Variants in TRAPPC2B observed in about 807,000 individuals in gnomAD.
TRAPPC2B encodes trafficking protein particle complex subunit 2B.
Under a neutral mutation model 8.4 loss-of-function variants are expected in TRAPPC2B, and 5 were observed. The observed-to-expected ratio is 0.59, with a 90% CI of 0.31 to 1.25. The LOEUF is 1.25. Ranked by LOEUF, TRAPPC2B falls within the 50% of genes most tolerant of loss-of-function variation. The pLI is 0.06. For missense variants in TRAPPC2B, 161 were observed against 173.2 expected, an observed-to-expected ratio of 0.93 and a Z score of 0.40; for synonymous variants, 46 against 58.1, an observed-to-expected ratio of 0.79 and a Z score of 0.95.
In TRAPPC2B at chr19:57,365,381, A is replaced by T. The variant is rs1035810959; in HGVS notation, c.*125A>T. ...TGTATTCTCAGCTTATCTAAACTTA[A>T]TGAAATTTCTTTTATATTTAAAAAT... On this transcript the variant is annotated 3_prime_UTR_variant, in exon 2 of 2. Coordinates refer to ENST00000543226, the MANE Select transcript of TRAPPC2B (RefSeq NM_001355204.2). The T allele has an allele frequency of 1.0e-5, 7 of 696,866 alleles. No individual in the cohort carries two copies. The highest frequency in any genetic ancestry group is 1.7e-5 in the Non-Finnish European group (7 of 412,458). 43.2% of individuals were successfully genotyped at this position (696,866 alleles called of 1,614,324 possible).
In TRAPPC2B at chr19:57,365,374, AAACTT is replaced by A. The variant is rs1204150362; in HGVS notation, c.*121_*125del. ...TCTTTTGTGTATTCTCAGCTTATCTAAACTTAATGAAATTTCTTTTATATTTAAAA... is the reference window on the plus strand; with the variant it reads ...TCTTTTGTGTATTCTCAGCTTATCTAAATGAAATTTCTTTTATATTTAAAA... On this transcript the variant is annotated 3_prime_UTR_variant, in exon 2 of 2. Transcript: ENST00000543226. 4 of 714,792 alleles carry A rather than the reference AAACTT, an allele frequency of 5.6e-6. No individual in the cohort carries two copies. Among genetic ancestry groups the A allele is most frequent in the African/African-American group, 5.4e-5 (3 of 55,628 alleles). The allele number at this position is 714,792 out of a possible 1,614,324, so 44.3% of individuals were successfully genotyped here.
In TRAPPC2B at chr19:57,365,075, T is replaced by G; in HGVS notation, c.242T>G (p.Met81Arg). 6.2e-7 allele frequency: 1 copy of G among 1,610,294 alleles called. No individual in the cohort carries two copies. Among genetic ancestry groups the G allele is most frequent in the Non-Finnish European group, 8.5e-7 (1 of 1,176,740 alleles). Reference protein sequence around the residue: ...FVSAFVTAGHMRFIMLHDIRQ... With the variant: ...FVSAFVTAGHRRFIMLHDIRQ... ...TCAGCATTTGTCACCGCGGGGCATA[T>G]GAGGTTTATTATGCTTCATGACATA... The change falls in exon 2 of 2, where the codon ATG (methionine) becomes AGG (arginine). Residue 81 changes from methionine to arginine, a missense_variant. Coordinates refer to ENST00000543226, the MANE Select transcript of TRAPPC2B (RefSeq NM_001355204.2).
intron 1 of TRAPPC2B, chr19:57,363,954 G>C (rs1476020885): frequency 6.6e-6 from 1 of 152,484 alleles, no homozygotes; most frequent in Non-Finnish European, 1.5e-5. Context: ...CTGCGGGAAA[G>C]AGAGGGTTTT....
In TRAPPC2B at chr19:57,365,099, T is replaced by C. The variant is rs1008346997; in HGVS notation, c.266T>C (p.Ile89Thr). The C allele has an allele frequency of 1.9e-6, 3 of 1,609,740 alleles. No homozygotes were observed. The highest frequency in any genetic ancestry group is 3.3e-5 in the Admixed American group (2 of 59,846). Residue 89 changes from isoleucine to threonine, a missense_variant, in exon 2 of 2, where the codon ATA becomes ACA. Ile to Thr is a moderately conservative substitution (Grantham distance 89). Transcript: ENST00000543226. ...GHMRFIMLHDIRQEDGIKNFF... is the reference protein window; with the variant it reads ...GHMRFIMLHDTRQEDGIKNFF... Reference sequence around the variant, plus strand: ...ATGAGGTTTATTATGCTTCATGACATAAGACAAGAAGATGGAATAAAGAAC... The same window carrying C: ...ATGAGGTTTATTATGCTTCATGACACAAGACAAGAAGATGGAATAAAGAAC...
rs16987908 is a variant in TRAPPC2B, at chr19:57,364,998, G to T, written c.165G>T (p.Leu55=). Residue 55 remains leucine (L), a synonymous_variant, in exon 2 of 2, where the codon CTG becomes CTT. Coordinates refer to ENST00000543226, the MANE Select transcript of TRAPPC2B (RefSeq NM_001355204.2). ...ACCTCGTAGATGAGAACATGTGGCT[G>T]TCGAACAACATGTACTTGAAAACTG... ...ALDLVDENMW[L]SNNMYLKTVD... 1 of 1,612,700 alleles carries T rather than the reference G, an allele frequency of 6.2e-7. No homozygotes were observed. Among genetic ancestry groups the T allele is most frequent in the African/African-American group, 1.3e-5 (1 of 74,916 alleles).
rs778877439 is a variant in TRAPPC2B at position 57,364,916 on chromosome 19, C to G, written c.83C>G (p.Ala28Gly). 14 of 1,612,638 alleles carry G rather than the reference C, an allele frequency of 8.7e-6. No individual in the cohort carries two copies. In the East Asian group the frequency reaches 3.1e-4, roughly 36 times the overall value. Residue 28 changes from alanine (A) to glycine (G), a missense_variant, in exon 2 of 2, where the codon GCA becomes GGA. By Grantham distance (60) the Ala-to-Gly change is moderately conservative. Coordinates refer to ENST00000543226, the MANE Select transcript of TRAPPC2B (RefSeq NM_001355204.2). ...FEMEFLPAGK[A>G]ESKDDHRHLN... ...ATGGAGTTTTTGCCAGCTGGGAAGGCAGAATCCAAAGACGACCATCGTCAT... is the reference window on the plus strand; with the variant it reads ...ATGGAGTTTTTGCCAGCTGGGAAGGGAGAATCCAAAGACGACCATCGTCAT...
chr19:57,364,514 G>T, intron 1 of TRAPPC2B: 2 of 393,534 alleles, frequency 5.1e-6, no homozygotes, highest in South Asian at 2.5e-5. Context: ...AGGCCAAGGC[G>T]AGCGGATCAC....
chr19:57,364,520 A>G (rs907030607), intron 1 of TRAPPC2B: 3 of 409,596 alleles, frequency 7.3e-6, no homozygotes, highest in Admixed American at 3.8e-5. Flanking sequence ...AGGCGAGCGG[A>G]TCACAAGGTC....
rs3214132 is a variant in TRAPPC2B at position 57,363,723 on chromosome 19, C to CG, written c.-20+20_-20+21insG. The CG allele has an allele frequency of 1.9e-3, 48 of 24,942 alleles. No individual in the cohort carries two copies. Among genetic ancestry groups the CG allele is most frequent in the South Asian group, 5.0e-3 (7 of 1,394 alleles). The allele number at this position is 24,942 out of a possible 1,614,324, so 1.5% of individuals were successfully genotyped here. On this transcript the variant is annotated intron_variant, in intron 1 of 1. Coordinates refer to ENST00000543226, the MANE Select transcript of TRAPPC2B (RefSeq NM_001355204.2). ...CCCGAGGTGGGTGCCCCGTCCCAGG[C>CG]CCCCCCCCACCTCCGCCCGACCCCT...
intron 1 of TRAPPC2B, chr19:57,364,609 C>T (rs1162921126): frequency 2.9e-5 from 17 of 586,062 alleles, no homozygotes; most frequent in African/African-American, 1.5e-4. Context: ...GGGGTGGTGA[C>T]GCGCGCCTGT....
At chr19:57,363,767 C>T (rs934138229) in intron 1 of TRAPPC2B, 64 bp downstream of exon 1, 7 of 151,632 alleles carry the variant, frequency 4.6e-5, no homozygotes, top group African/African-American at 1.7e-4. Flanking sequence ...TGCTGAAGCC[C>T]ATAGAAGGGG....
At chr19:57,364,710 C>T in intron 1 of TRAPPC2B, 105 bp from the exon 2 acceptor site, 1 of 835,270 alleles carries the variant, frequency 1.2e-6, no homozygotes, top group Admixed American at 2.2e-5. Flanking sequence ...CATTGCACTC[C>T]AGCCTGGGCG....
rs570819600 is a variant in TRAPPC2B at position 57,364,800 on chromosome 19, G to A, written c.-19-15G>A. 2.1e-3 allele frequency: 3,321 copies of A among 1,544,874 alleles called. 6 individuals are homozygous for A. The highest frequency in any genetic ancestry group is 2.6e-3 in the Non-Finnish European group (2,984 of 1,129,950). On this transcript the variant is annotated splice_polypyrimidine_tract_variant and intron_variant, in intron 1 of 1. Coordinates refer to ENST00000543226, the MANE Select transcript of TRAPPC2B (RefSeq NM_001355204.2). The stretch of plus-strand genomic sequence containing the variant: ...AAACTGACATTGCGTTTCCGTTGTC[G>A]GCCTCCCGCTGCAGGAGCCATATAT...
chr19:57,363,808 G>C (rs1419474475), intron 1 of TRAPPC2B, 105 bp downstream of exon 1: 1 of 151,650 alleles, frequency 6.6e-6, no homozygotes, highest in Non-Finnish European at 1.5e-5. Flanking sequence ...GTCTCGAAGA[G>C]AGGGGCGTTC....
In TRAPPC2B at chr19:57,364,918, G is replaced by C; in HGVS notation, c.85G>C (p.Glu29Gln). 6.2e-7 allele frequency: 1 copy of C among 1,612,834 alleles called. No individual in the cohort carries two copies. Among genetic ancestry groups the C allele is most frequent in the Non-Finnish European group, 8.5e-7 (1 of 1,179,022 alleles). ...EMEFLPAGKA[E>Q]SKDDHRHLNQ... Reference sequence around the variant, plus strand: ...GGAGTTTTTGCCAGCTGGGAAGGCAGAATCCAAAGACGACCATCGTCATCT... The same window carrying C: ...GGAGTTTTTGCCAGCTGGGAAGGCACAATCCAAAGACGACCATCGTCATCT... Residue 29 changes from glutamate to glutamine, a missense_variant, in exon 2 of 2, where the codon GAA becomes CAA. Physicochemically the swap from Glu to Gln is conservative, Grantham distance 29. Transcript: ENST00000543226.
In TRAPPC2B at chr19:57,364,852, T is replaced by C. The variant is rs765709622; in HGVS notation, c.19T>C (p.Phe7Leu). The C allele has an allele frequency of 6.2e-7, 1 of 1,609,422 alleles. No individual in the cohort carries two copies. The highest frequency in any genetic ancestry group is 8.5e-7 in the Non-Finnish European group (1 of 1,177,086). The change falls in exon 2 of 2, where the codon TTT becomes CTT. Residue 7 changes from phenylalanine (F) to leucine (L), a missense_variant. Physicochemically the swap from Phe to Leu is conservative, Grantham distance 22. Coordinates refer to ENST00000543226, the MANE Select transcript of TRAPPC2B (RefSeq NM_001355204.2). The stretch of plus-strand genomic sequence containing the variant: ...GAAGACCATGTCTGGAAGCTTCTAC[T>C]TTGTAATTGTTGGTCACCATGATAA... MSGSFY[F>L]VIVGHHDNPV...
chr19:57,365,254 T>C lies in TRAPPC2B; in HGVS notation c.421T>C (p.Ter141ArgextTer7). 6.4e-7 allele frequency: 1 copy of C among 1,557,024 alleles called. No individual in the cohort carries two copies. Among genetic ancestry groups the C allele is most frequent in the Non-Finnish European group, 8.7e-7 (1 of 1,147,694 alleles). The stretch of plus-strand genomic sequence containing the variant: ...TCTTGGGAAGAAACACCTTTTAAGC[T>C]GAATGGAGAAAATTCCAAAATAAAT... The part of the protein sequence containing the change: ...QFLGKKHLLS[*>R] Residue 141 changes from the stop codon to arginine, a stop_lost, in exon 2 of 2, where the codon TGA becomes CGA. Coordinates refer to ENST00000543226, the MANE Select transcript of TRAPPC2B (RefSeq NM_001355204.2).
chr19:57,365,010 G>A lies in TRAPPC2B; in HGVS notation c.177G>A (p.Met59Ile), dbSNP rs1425586092. The change falls in exon 2 of 2, where the codon ATG becomes ATA. Residue 59 changes from methionine (M) to isoleucine (I), a missense_variant. Coordinates refer to ENST00000543226, the MANE Select transcript of TRAPPC2B (RefSeq NM_001355204.2). ...AGAACATGTGGCTGTCGAACAACAT[G>A]TACTTGAAAACTGTGGACAAGTTCA... Reference protein sequence around the residue: ...VDENMWLSNNMYLKTVDKFNE... With the variant: ...VDENMWLSNNIYLKTVDKFNE... The A allele has an allele frequency of 3.1e-6, 5 of 1,612,622 alleles. No individual in the cohort carries two copies. In the South Asian group the frequency reaches 5.5e-5, roughly 18 times the overall value.
rs2088458356 is a variant in TRAPPC2B, at chr19:57,365,222, T to C, written c.389T>C (p.Val130Ala). 1.9e-6 allele frequency: 3 copies of C among 1,581,412 alleles called. No individual in the cohort carries two copies. ...PIRSSAFDRKVQFLGKKHLLS is the reference protein window; with the variant it reads ...PIRSSAFDRKAQFLGKKHLLS The stretch of plus-strand genomic sequence containing the variant: ...CGATCAAGTGCATTTGACAGAAAAG[T>C]TCAGTTTCTTGGGAAGAAACACCTT... The change falls in exon 2 of 2, where the codon GTT (valine) becomes GCT (alanine). Residue 130 changes from valine to alanine, a missense_variant. Val to Ala is a moderately conservative substitution (Grantham distance 64). Coordinates refer to ENST00000543226, the MANE Select transcript of TRAPPC2B (RefSeq NM_001355204.2).
Sources: gnomAD v4.1 joint callset for allele counts on GRCh38, gnomAD v4.1.1 for gene constraint, MANE v1.5 for transcripts, NCBI Gene and HGNC (gene_info 2026-07-23, HGNC 2026-07-21) for gene names.